Variants in PLXNA2 observed in about 807,000 individuals in gnomAD.
PLXNA2 encodes the protein plexin-A2.
PLXNA2 carries 91 observed loss-of-function variants against 193.5 expected under a neutral mutation model. The observed-to-expected ratio is 0.47, with a 90% CI of 0.40 to 0.56. The LOEUF (loss-of-function observed/expected upper bound fraction) is 0.56. Ranked by LOEUF, PLXNA2 falls within the 20% of genes least tolerant of loss-of-function variation. The probability of loss-of-function intolerance (pLI) is 0.00; values close to 1 mark genes in which losing one functional copy is unlikely to be tolerated. For synonymous variants in PLXNA2, 997 were observed against 1,027.3 expected (o/e 0.97, Z 0.56); for missense variants, 1,995 against 2,503.2 (o/e 0.80, Z 4.33).
At chr1:208,046,233 C>T in intron 17 of PLXNA2, 116 bp from the exon 18 acceptor site, 2 of 1,319,442 alleles carry the variant, frequency 1.5e-6, no homozygotes, top group South Asian at 1.5e-5. Context: ...GGTTTACTTG[C>T]TTGTCTCCAT....
chr1:208,081,919 C>T (rs974323245), intron 11 of PLXNA2, among the ~76,000 whole-genome samples: 3 of 152,112 alleles, frequency 2.0e-5, no homozygotes, highest in Non-Finnish European at 4.4e-5. Context: ...CCTTCTTCAG[C>T]CAGATCCCCT....
intron 12 of PLXNA2, among the ~76,000 whole-genome samples, chr1:208,062,800 C>T (rs78722590): frequency 5.4e-4 from 82 of 152,254 alleles, no homozygotes; most frequent in African/African-American, 2.0e-3. Context: ...GAGGAACTGA[C>T]AGCCACTATA....
intron 2 of PLXNA2, 126 bp from the exon 3 acceptor site, chr1:208,210,588 G>A (rs1458126614): frequency 3.6e-5 from 27 of 756,098 alleles, no homozygotes; most frequent in Admixed American, 5.9e-5. Flanking sequence ...TGGGAGTTCA[G>A]GGGCCCTAAT....
rs199953406 is a variant in PLXNA2, at chr1:208,028,789, G to A, written c.5438+41C>T. The A allele has an allele frequency of 1.3e-4, 201 of 1,566,518 alleles. 2 individuals carry two copies. In the East Asian group the frequency reaches 4.5e-3, roughly 35 times the overall value. ...ATGACTATAGAGCGGGGAATGGGCA[G>A]GGAGACAAGGGCATGGGCCTGTCCT... On this transcript the variant is annotated intron_variant, in intron 30 of 31. Coordinates refer to ENST00000367033, the MANE Select transcript of PLXNA2 (RefSeq NM_025179.4). This position sits in a 1 kb window ranked among gnomAD's most constrained non-coding sequence, Gnocchi z 4.2.
At chr1:208,228,617 A>C (rs1671589532) in intron 1 of PLXNA2, among the ~76,000 whole-genome samples, 1 of 152,180 alleles carries the variant, frequency 6.6e-6, no homozygotes, top group African/African-American at 2.4e-5. Flanking sequence ...CTGTGTTTCT[A>C]TCTGGGCTGT....
chr1:208,152,816 T>A (rs987724185), intron 3 of PLXNA2, among the ~76,000 whole-genome samples: 4 of 151,934 alleles, frequency 2.6e-5, no homozygotes, highest in Admixed American at 2.6e-4. Context: ...CATTTTCCAA[T>A]TGCATCCCCA....
intron 3 of PLXNA2, among the ~76,000 whole-genome samples, chr1:208,162,864 C>T (rs542780856): frequency 1.3e-5 from 2 of 152,276 alleles, no homozygotes; most frequent in Non-Finnish European, 2.9e-5. Context: ...TGACATTCAC[C>T]ACTGTGCACA....
At chr1:208,147,133 C>T (rs1302342430) in intron 3 of PLXNA2, among the ~76,000 whole-genome samples, 1 of 152,164 alleles carries the variant, frequency 6.6e-6, no homozygotes, top group Non-Finnish European at 1.5e-5. Context: ...AGCGATCCTC[C>T]TACTCAGCCA....
intron 3 of PLXNA2, among the ~76,000 whole-genome samples, chr1:208,145,008 C>A (rs1668562805): frequency 6.6e-6 from 1 of 152,136 alleles, no homozygotes; most frequent in Admixed American, 6.5e-5. Context: ...TAAAATGGTT[C>A]TCCTTGACAT....
At chr1:208,106,698 T>G (rs1667281030) in intron 4 of PLXNA2, among the ~76,000 whole-genome samples, 1 of 152,256 alleles carries the variant, frequency 6.6e-6, no homozygotes. Flanking sequence ...ATTTTGCTTA[T>G]CTTGAATTAA....
chr1:208,082,444 T>C lies in PLXNA2; in HGVS notation c.2363A>G (p.Asn788Ser). 1 of 1,614,064 alleles carries C rather than the reference T, an allele frequency of 6.2e-7. No homozygotes were observed. Among genetic ancestry groups the C allele is most frequent in the Non-Finnish European group, 8.5e-7 (1 of 1,179,980 alleles). Residue 788 changes from asparagine to serine, a missense_variant, in exon 11 of 32, where the codon AAT (asparagine) becomes AGT (serine). Transcript: ENST00000367033. This position sits in a 1 kb window ranked among gnomAD's most constrained non-coding sequence, Gnocchi z 4.2. ...GTCCTGAGGGTTGTCAATGATGAAA[T>C]TGCCGTTCCACACCACAGCGAAATC... is the stretch of plus-strand genomic sequence containing the variant. ...AVDFAVVWNGNFIIDNPQDLK... is the reference protein window; with the variant it reads ...AVDFAVVWNGSFIIDNPQDLK...
Position 208,051,443 on chromosome 1 carries a change from A to G in PLXNA2, c.2994-20T>C. ...GACCTCCTGACAGGGAGACAGCAGG[A>G]GGGTTGAGAAGAAAGGCATGGGCAA... On this transcript the variant is annotated intron_variant, in intron 15 of 31. Transcript: ENST00000367033. The G allele has an allele frequency of 1.9e-6, 3 of 1,598,892 alleles. No individual in the cohort carries two copies. Among genetic ancestry groups the G allele is most frequent in the Non-Finnish European group, 2.6e-6 (3 of 1,175,464 alleles).
At chr1:208,034,014 T>C (rs778502139) in intron 27 of PLXNA2, among the ~76,000 whole-genome samples, 9 of 152,154 alleles carry the variant, frequency 5.9e-5, no homozygotes, top group Non-Finnish European at 1.0e-4. Context: ...AGTGCATACA[T>C]GAAACCAGAG....
intron 3 of PLXNA2, among the ~76,000 whole-genome samples, chr1:208,155,549 C>T (rs1668912554): frequency 2.6e-5 from 4 of 152,226 alleles, no homozygotes; most frequent in Non-Finnish European, 1.5e-5. Context: ...AACTGAACAG[C>T]ACTTTGCCTC....
At chr1:208,126,414 G>C (rs901892017) in intron 4 of PLXNA2, among the ~76,000 whole-genome samples, 16 of 152,174 alleles carry the variant, frequency 1.1e-4, no homozygotes, top group African/African-American at 3.1e-4. Flanking sequence ...AGTCTCTAGT[G>C]GTCCATGATC....
intron 26 of PLXNA2, among the ~76,000 whole-genome samples, chr1:208,037,209 G>C (rs1664696732): frequency 6.6e-6 from 1 of 152,208 alleles, no homozygotes; most frequent in Admixed American, 6.5e-5. Context: ...AAGGAGTGGG[G>C]AAGCAGGGCT....
At chr1:208,210,223 G>A (rs1225384883) in intron 3 of PLXNA2, 57 bp downstream of exon 3, 23 of 1,564,702 alleles carry the variant, frequency 1.5e-5, no homozygotes, top group Non-Finnish European at 1.8e-5. Flanking sequence ...CTTCCAAGAG[G>A]GACTCTTTGC....
Position 208,082,366 on chromosome 1 carries a change from C to CG in PLXNA2, c.2395+45dup, listed in dbSNP as rs540114647. 1 of 1,476,658 alleles carries CG rather than the reference C, an allele frequency of 6.8e-7. No individual in the cohort carries two copies. Among genetic ancestry groups the CG allele is most frequent in the Admixed American group, 1.7e-5 (1 of 57,412 alleles). 91.5% of individuals were successfully genotyped at this position (1,476,658 alleles called of 1,614,324 possible). On this transcript the variant is annotated intron_variant, in intron 11 of 31. Coordinates refer to ENST00000367033, the MANE Select transcript of PLXNA2 (RefSeq NM_025179.4). The surrounding 1 kb of genome is among the most constrained non-coding windows in gnomAD (Gnocchi z 4.2). Reference sequence around the variant, plus strand: ...TGATCCCTCTAGCCCCAGTCTTTCCCGGGGTCGTGAAAAGATCAAACTTCT... The same window carrying CG: ...TGATCCCTCTAGCCCCAGTCTTTCCCGGGGGTCGTGAAAAGATCAAACTTCT...
intron 4 of PLXNA2, among the ~76,000 whole-genome samples, chr1:208,114,919 C>A (rs1344939527): frequency 1.3e-5 from 2 of 152,232 alleles, no homozygotes; most frequent in Non-Finnish European, 2.9e-5. Flanking sequence ...TGTATTAAAT[C>A]TCTGCCTAAG....
Sources: allele counts gnomAD v4.1 joint callset (sites outside exome capture counted in the v4.1 genomes callset), GRCh38; gene constraint gnomAD v4.1.1; non-coding constraint Gnocchi (gnomAD v3.1); transcripts MANE v1.5; gene names NCBI Gene and HGNC (gene_info 2026-07-23, HGNC 2026-07-21).